TUNAR: variants seen among roughly 807,000 people sequenced by gnomAD.
TUNAR encodes the protein protein TUNAR.
chr14:95,878,941 A>G (rs74085709), intron 2 of TUNAR, among the ~76,000 whole-genome samples: 5,985 of 152,340 alleles, frequency 0.039, 275 homozygotes, highest in African/African-American at 0.11. Context: ...ATATTTGCAT[A>G]GGTAAAACAT....
intron 2 of TUNAR, among the ~76,000 whole-genome samples, chr14:95,892,289 ATGAGTCCC>A (rs1359608262): frequency 6.6e-6 from 1 of 152,254 alleles, no homozygotes; most frequent in African/African-American, 2.4e-5. Context: ...GGCTGTGCTC[ATGAGTCCC>A]TCTGCCAGGA....
chr14:95,904,471 A>G (rs1252421804), intron 2 of TUNAR, among the ~76,000 whole-genome samples: 1 of 152,184 alleles, frequency 6.6e-6, no homozygotes, highest in Non-Finnish European at 1.5e-5. Context: ...AGCCAAGGCA[A>G]CCAGGCAGGT....
chr14:95,919,209 C>G (rs1199732120), intron 2 of TUNAR, among the ~76,000 whole-genome samples: 1 of 152,190 alleles, frequency 6.6e-6, no homozygotes, highest in Admixed American at 6.5e-5. Flanking sequence ...AACTAGCAAA[C>G]AGACACAACC....
At chr14:95,893,910 G>A (rs1889218882) in intron 2 of TUNAR, among the ~76,000 whole-genome samples, 1 of 152,260 alleles carries the variant, frequency 6.6e-6, no homozygotes, top group Admixed American at 6.5e-5. Flanking sequence ...GGCCTGTTCA[G>A]TCATTTGCAA....
chr14:95,883,866 C>T (rs1329881271), intron 2 of TUNAR, among the ~76,000 whole-genome samples: 2 of 152,184 alleles, frequency 1.3e-5, no homozygotes, highest in South Asian at 2.1e-4. Context: ...GACCTTGCTG[C>T]AGACTTGCCA....
intron 2 of TUNAR, among the ~76,000 whole-genome samples, chr14:95,897,488 T>C (rs911426459): frequency 3.3e-5 from 5 of 152,252 alleles, no homozygotes; most frequent in African/African-American, 9.6e-5. Context: ...ACCCACCTGC[T>C]ACTTTCAGGC....
intron 2 of TUNAR, among the ~76,000 whole-genome samples, chr14:95,920,261 A>G (rs1044579132): frequency 1.3e-5 from 2 of 152,062 alleles, no homozygotes; most frequent in African/African-American, 4.8e-5. Context: ...GGAGGTAGGG[A>G]TAGTGATTGG....
chr14:95,904,146 C>G (rs1889395972), intron 2 of TUNAR, among the ~76,000 whole-genome samples: 1 of 152,180 alleles, frequency 6.6e-6, no homozygotes, highest in South Asian at 2.1e-4. Context: ...TAGTTCACTC[C>G]CCTGTAACAT....
At position 95,890,906 on chromosome 14, in the gene TUNAR, C is replaced by A. The variant is rs146457768; in HGVS notation, c.12+13729C>A. On this transcript the variant is annotated intron_variant, in intron 2 of 2. Transcript: ENST00000678517. ...CTGAGACTTTGGTCACAGAGCTGAA[C>A]GGGTCTGTGGGCTTACACCGGGACC... Among the ~76,000 whole-genome samples, 473 of 152,264 alleles carry A rather than the reference C, an allele frequency of 3.1e-3. 2 individuals are homozygous for A. The highest frequency in any genetic ancestry group is 6.8e-3 in the Middle Eastern group (2 of 292).
rs560724246 is a variant in TUNAR at position 95,923,024 on chromosome 14, C to T, written c.*58C>T. The stretch of plus-strand genomic sequence containing the variant: ...GGCCAAAGACGGAAGTCCTGCGTGT[C>T]GGCGCATCACTGACCAGACCCTGCG... On this transcript the variant is annotated 3_prime_UTR_variant, in exon 3 of 3. Transcript: ENST00000678517. 1.3e-4 allele frequency: 52 copies of T among 398,864 alleles called. 1 individual carries two copies. In the South Asian group the frequency reaches 2.7e-3, roughly 21 times the overall value. 24.7% of individuals were successfully genotyped at this position (398,864 alleles called of 1,614,324 possible). A position where few individuals can be genotyped will look rare whatever the true frequency, so the allele number is the denominator to read the frequency against.
At chr14:95,923,752 T>G (rs1889738335) in exon 3 of TUNAR, 1 of 152,236 alleles carries the variant, frequency 6.6e-6, no homozygotes. Flanking sequence ...TCTGCCTCTT[T>G]GGTCTGAAGG....
chr14:95,880,382 T>G (rs1888960954), intron 2 of TUNAR, among the ~76,000 whole-genome samples: 1 of 152,212 alleles, frequency 6.6e-6, no homozygotes, highest in African/African-American at 2.4e-5. Flanking sequence ...AGGATGGAGC[T>G]TTGATCCATC....
At chr14:95,889,551 C>T (rs1292728596) in intron 2 of TUNAR, among the ~76,000 whole-genome samples, 1 of 151,476 alleles carries the variant, frequency 6.6e-6, no homozygotes, top group African/African-American at 2.4e-5. Flanking sequence ...AGGCTGTGAA[C>T]TTTCAGGTTC....
intron 2 of TUNAR, among the ~76,000 whole-genome samples, chr14:95,889,639 A>C (rs572180493): frequency 2.4e-3 from 360 of 152,188 alleles, no homozygotes; most frequent in Non-Finnish European, 4.3e-3. Flanking sequence ...CTGGTCCTTC[A>C]CCAAGGGTAG....
rs187879306 is a variant in TUNAR, at chr14:95,885,893, A to G, written c.12+8716A>G. Among the ~76,000 whole-genome samples the G allele has an allele frequency of 1.8e-3, 280 of 152,228 alleles. 1 individual carries two copies. The highest frequency in any genetic ancestry group is 6.4e-3 in the African/African-American group (265 of 41,542). The stretch of plus-strand genomic sequence containing the variant: ...TGTCCCGGGTGTAACCTCAGGCACC[A>G]TTTCTCTGATTGCAGTGTCTCTGCT... On this transcript the variant is annotated intron_variant, in intron 2 of 2. Transcript: ENST00000678517.
intron 2 of TUNAR, among the ~76,000 whole-genome samples, chr14:95,917,074 G>A (rs1292836723): frequency 1.3e-5 from 2 of 152,062 alleles, no homozygotes; most frequent in African/African-American, 4.8e-5. Context: ...TGAATTTAAG[G>A]TCATCGAATT....
intron 2 of TUNAR, among the ~76,000 whole-genome samples, chr14:95,913,099 T>TCC (rs57458056): frequency 0.21 from 31,262 of 148,900 alleles, 4,258 homozygotes; most frequent in African/African-American, 0.38. Flanking sequence ...CCGGGCATCT[T>TCC]TTTTTTTTTA....
chr14:95,902,775 G>C (rs1214629697), intron 2 of TUNAR, among the ~76,000 whole-genome samples: 1 of 152,170 alleles, frequency 6.6e-6, no homozygotes, highest in East Asian at 1.9e-4. Flanking sequence ...ACTAGAGACG[G>C]TGTCACCTCC....
At chr14:95,892,246 C>T (rs531794975) in intron 2 of TUNAR, among the ~76,000 whole-genome samples, 1 of 152,332 alleles carries the variant, frequency 6.6e-6, no homozygotes, top group East Asian at 1.9e-4. Flanking sequence ...CTCCTCAATC[C>T]CCTGCTCAGG....
Sources: allele counts gnomAD v4.1 joint callset (sites outside exome capture counted in the v4.1 genomes callset), GRCh38; gene constraint gnomAD v4.1.1; transcripts MANE v1.5; gene names NCBI Gene and HGNC (gene_info 2026-07-23, HGNC 2026-07-21).